GXYLT2: variants seen among roughly 807,000 people sequenced by gnomAD.
GXYLT2 encodes the protein glucoside xylosyltransferase 2, also known as glycosyltransferase 8 domain containing 4.
GXYLT2 carries 53 observed loss-of-function variants against 45.8 expected under a neutral mutation model. The ratio of observed to expected loss-of-function variants is 1.16; its 90% CI spans 0.93 to 1.46. GXYLT2 has a LOEUF of 1.46. GXYLT2 is among the 40% of genes most tolerant of loss of function. The pLI, the probability that GXYLT2 is intolerant of heterozygous loss-of-function variation, is 0.00. For missense variants in GXYLT2, 551 were observed against 544.4 expected (o/e 1.01, Z -0.12); for synonymous variants, 219 against 214.2 (o/e 1.02, Z -0.19).
chr3:72,939,154 A>G lies in GXYLT2; in HGVS notation c.601-15944A>G, dbSNP rs527571398. ...ACAAAATGAGCAATCTTAAAATCTCAGATTAAAACAGTGTGGAACACTACT... is the reference window on the plus strand; with the variant it reads ...ACAAAATGAGCAATCTTAAAATCTCGGATTAAAACAGTGTGGAACACTACT... On this transcript the variant is annotated intron_variant, in intron 3 of 6. Transcript: ENST00000389617. Among the ~76,000 whole-genome samples, 4 of 152,340 alleles carry G rather than the reference A, an allele frequency of 2.6e-5. No individual in the cohort carries two copies. The South Asian group carries it at 8.3e-4, about 32-fold the overall frequency.
At chr3:72,922,171 A>C in intron 2 of GXYLT2, 33 bp from the exon 3 acceptor site, 1 of 1,603,772 alleles carries the variant, frequency 6.2e-7, no homozygotes, top group East Asian at 2.2e-5. Context: ...CCTAGGGCCT[A>C]ATCACCCTTC....
chr3:72,941,509 C>T (rs1278185776), intron 3 of GXYLT2, among the ~76,000 whole-genome samples: 2 of 152,180 alleles, frequency 1.3e-5, no homozygotes, highest in Non-Finnish European at 2.9e-5. Context: ...CATACTGTTG[C>T]CTGGAGACAA....
chr3:72,937,911 A>T (rs1442243680), intron 3 of GXYLT2, among the ~76,000 whole-genome samples: 1 of 152,204 alleles, frequency 6.6e-6, no homozygotes, highest in Non-Finnish European at 1.5e-5. Flanking sequence ...TACACACTTT[A>T]CTCATTTATT....
chr3:72,973,464 A>G (rs1711036796), intron 6 of GXYLT2, among the ~76,000 whole-genome samples: 1 of 152,206 alleles, frequency 6.6e-6, no homozygotes, highest in Admixed American at 6.5e-5. Flanking sequence ...TTCTAATGGC[A>G]GTGGAAAGCC....
intron 1 of GXYLT2, among the ~76,000 whole-genome samples, chr3:72,892,799 G>C (rs1177515768): frequency 1.3e-5 from 2 of 152,196 alleles, no homozygotes; most frequent in Non-Finnish European, 1.5e-5. Flanking sequence ...TCTGGATCTT[G>C]AGTACCATCT....
At chr3:72,939,516 C>T (rs1710259056) in intron 3 of GXYLT2, among the ~76,000 whole-genome samples, 1 of 152,148 alleles carries the variant, frequency 6.6e-6, no homozygotes, top group Non-Finnish European at 1.5e-5. Context: ...ATTCTCTAAA[C>T]TATCTTAAAC....
At chr3:72,936,827 T>A (rs932329051) in intron 3 of GXYLT2, among the ~76,000 whole-genome samples, 1 of 152,210 alleles carries the variant, frequency 6.6e-6, no homozygotes, top group Non-Finnish European at 1.5e-5. Context: ...AATGATATTT[T>A]GATACAATTG....
intron 5 of GXYLT2, among the ~76,000 whole-genome samples, chr3:72,960,905 C>T (rs529930136): frequency 6.6e-6 from 1 of 152,292 alleles, no homozygotes; most frequent in South Asian, 2.1e-4. Context: ...TTCAGGTTGC[C>T]ATGGGTGAAC....
At chr3:72,904,034 C>CA (rs1709456350) in intron 1 of GXYLT2, among the ~76,000 whole-genome samples, 2 of 152,214 alleles carry the variant, frequency 1.3e-5, no homozygotes, top group African/African-American at 4.8e-5. Flanking sequence ...CAGGCTGTAC[C>CA]AGCATGGTTA....
intron 2 of GXYLT2, among the ~76,000 whole-genome samples, chr3:72,909,371 G>GT (rs565632074): frequency 2.2e-4 from 33 of 150,506 alleles, no homozygotes; most frequent in Non-Finnish European, 3.3e-4. Context: ...CGCCTGGCCG[G>GT]TTTTTTTTTC....
chr3:72,920,074 A>G (rs1486790131), intron 2 of GXYLT2, among the ~76,000 whole-genome samples: 1 of 151,002 alleles, frequency 6.6e-6, no homozygotes, highest in Non-Finnish European at 1.5e-5. Flanking sequence ...TTTCTGCTCA[A>G]TTTTTCTTTT....
intron 5 of GXYLT2, among the ~76,000 whole-genome samples, chr3:72,960,326 A>G (rs1710745269): frequency 6.6e-6 from 1 of 152,240 alleles, no homozygotes; most frequent in African/African-American, 2.4e-5. Context: ...AGATTCACAC[A>G]GTTGCCTCCC....
intron 3 of GXYLT2, among the ~76,000 whole-genome samples, chr3:72,942,651 A>G (rs1170898370): frequency 1.3e-5 from 2 of 152,072 alleles, no homozygotes; most frequent in Non-Finnish European, 1.5e-5. Flanking sequence ...TCTTCCCAAT[A>G]AAGCATAACC....
intron 3 of GXYLT2, among the ~76,000 whole-genome samples, chr3:72,946,312 AT>A (rs1710405132): frequency 7.1e-6 from 1 of 140,598 alleles, no homozygotes; most frequent in African/African-American, 2.6e-5. Flanking sequence ...AAAGGATGTC[AT>A]TTTAAAGTAC....
At chr3:72,891,265 G>A (rs1236540586) in intron 1 of GXYLT2, among the ~76,000 whole-genome samples, 1 of 152,120 alleles carries the variant, frequency 6.6e-6, no homozygotes, top group Admixed American at 6.5e-5. Context: ...TGAGAGCCTG[G>A]AGTTGGATGT....
intron 3 of GXYLT2, among the ~76,000 whole-genome samples, chr3:72,939,974 A>G (rs911228388): frequency 1.3e-5 from 2 of 152,160 alleles, no homozygotes; most frequent in Non-Finnish European, 2.9e-5. Context: ...GACTTGAGCC[A>G]CTGCACTCAG....
chr3:72,929,042 G>T (rs373442630), intron 3 of GXYLT2: 28 of 1,557,752 alleles, frequency 1.8e-5, no homozygotes, highest in Non-Finnish European at 2.2e-5. Flanking sequence ...AGCCGCCGCC[G>T]TGACGACCGC....
At chr3:72,924,714 T>C (rs1381826525) in intron 3 of GXYLT2, among the ~76,000 whole-genome samples, 1 of 152,092 alleles carries the variant, frequency 6.6e-6, no homozygotes, top group East Asian at 1.9e-4. Context: ...ACCTTCATGA[T>C]TGGCTCGTTG....
intron 2 of GXYLT2, among the ~76,000 whole-genome samples, chr3:72,914,023 C>A (rs1709683790): frequency 6.6e-6 from 1 of 152,264 alleles, no homozygotes; most frequent in South Asian, 2.1e-4. Flanking sequence ...CTGGCACATG[C>A]TGAAGGGGTG....
Sources: allele counts gnomAD v4.1 joint callset (sites outside exome capture counted in the v4.1 genomes callset), GRCh38; gene constraint gnomAD v4.1.1; transcripts MANE v1.5; gene names NCBI Gene and HGNC (gene_info 2026-07-23, HGNC 2026-07-21).